The following FREM2 variants were observed in gnomAD, a reference collection of about 807,000 sequenced individuals.
The protein encoded by FREM2 is FRAS1-related extracellular matrix protein 2.
FREM2 carries 119 observed loss-of-function variants against 219.9 expected under a neutral mutation model. The observed-to-expected ratio is 0.54, with a 90% CI of 0.47 to 0.63. The LOEUF (loss-of-function observed/expected upper bound fraction) is 0.63, where lower values mean the gene tolerates loss of function less well. Among genes scored for constraint, FREM2 ranks in the 30% least tolerant of loss-of-function variants. The probability of loss-of-function intolerance (pLI) is 0.00; values close to 1 mark genes in which losing one functional copy is unlikely to be tolerated. For synonymous variants in FREM2, 1,562 were observed against 1,522.8 expected (o/e 1.03, Z -0.60); for missense variants, 4,030 against 3,993.6 (o/e 1.01, Z -0.25).
intron 8 of FREM2, among the ~76,000 whole-genome samples, chr13:38,849,369 C>T (rs75328479): frequency 0.018 from 2,744 of 152,280 alleles, 23 homozygotes; most frequent in South Asian, 0.035. Context: ...TCCTGAGTGT[C>T]AATAATCTTT....
chr13:38,771,195 T>G (rs541071283), intron 4 of FREM2, among the ~76,000 whole-genome samples: 2 of 152,350 alleles, frequency 1.3e-5, no homozygotes, highest in South Asian at 2.1e-4. Context: ...TCAATTATGT[T>G]TGTAATTTTC....
chr13:38,795,075 T>C (rs1207063328), intron 6 of FREM2, among the ~76,000 whole-genome samples: 3 of 152,104 alleles, frequency 2.0e-5, no homozygotes, highest in Admixed American at 2.0e-4. Flanking sequence ...ACCACTAGGC[T>C]GTAATGAATC....
At position 38,858,050 on chromosome 13, in the gene FREM2, C is replaced by A. The variant is rs201461423; in HGVS notation, c.7215+17C>A. ...TGTATCACAGTGAGTAGGAGATTCA[C>A]AAAATTGAGGAAAATTGTAAGATAA... On this transcript the variant is annotated intron_variant, in intron 13 of 23. Coordinates refer to ENST00000280481, the MANE Select transcript of FREM2 (RefSeq NM_207361.6). 22 of 1,601,780 alleles carry A rather than the reference C, an allele frequency of 1.4e-5. No individual in the cohort carries two copies. The highest frequency in any genetic ancestry group is 1.9e-5 in the Non-Finnish European group (22 of 1,169,066).
At chr13:38,773,997 A>G (rs1399374592) in intron 4 of FREM2, among the ~76,000 whole-genome samples, 2 of 150,834 alleles carry the variant, frequency 1.3e-5, no homozygotes, top group Non-Finnish European at 1.5e-5. Flanking sequence ...TAATAAAACT[A>G]AACAATATAT....
At chr13:38,773,680 G>T (rs1240374428) in intron 4 of FREM2, among the ~76,000 whole-genome samples, 1 of 151,894 alleles carries the variant, frequency 6.6e-6, no homozygotes, top group Non-Finnish European at 1.5e-5. Context: ...GTCCTCCTTG[G>T]CCTCCCAAAA....
intron 8 of FREM2, among the ~76,000 whole-genome samples, chr13:38,849,759 T>C (rs78575835): frequency 0.018 from 2,743 of 152,320 alleles, 21 homozygotes; most frequent in South Asian, 0.035. Flanking sequence ...CTAAGAAACA[T>C]GTAGATACAA....
chr13:38,764,366 G>T lies in FREM2; in HGVS notation c.5326G>T (p.Glu1776Ter). Residue 1776 changes from glutamate (E) to a stop codon, truncating the protein, a stop_gained, in exon 3 of 24, where the codon GAA becomes TAA. Coordinates refer to ENST00000280481, the MANE Select transcript of FREM2 (RefSeq NM_207361.6). LOFTEE classifies it high-confidence loss of function. ...TTGGGCATGGATCTCCTTTGAAAAGGAATATTACCTGGTCAATGAGGACTC... is the reference window on the plus strand; with the variant it reads ...TTGGGCATGGATCTCCTTTGAAAAGTAATATTACCTGGTCAATGAGGACTC... ...LNWAWISFEK[E>*]YYLVNEDSKF... The T allele has an allele frequency of 6.2e-7, 1 of 1,607,266 alleles. No individual in the cohort carries two copies. The highest frequency in any genetic ancestry group is 8.5e-7 in the Non-Finnish European group (1 of 1,173,936).
intron 2 of FREM2, among the ~76,000 whole-genome samples, chr13:38,763,526 G>A (rs1347520759): frequency 1.8e-5 from 2 of 111,002 alleles, no homozygotes; most frequent in Admixed American, 1.2e-4. Flanking sequence ...GCCTTTGTTT[G>A]TAAACCTCAC....
At chr13:38,799,527 G>A (rs752919445) in intron 6 of FREM2, among the ~76,000 whole-genome samples, 10 of 152,148 alleles carry the variant, frequency 6.6e-5, no homozygotes, top group Non-Finnish European at 1.5e-4. Context: ...TTTATTTTCT[G>A]TCTCAATGAT....
chr13:38,783,116 T>A lies in FREM2; in HGVS notation c.5688T>A (p.Asp1896Glu), dbSNP rs368925235. Residue 1896 changes from aspartate (D) to glutamate (E), a missense_variant, in exon 5 of 24, where the codon GAT (aspartate) becomes GAA (glutamate). Asp to Glu is a conservative substitution (Grantham distance 45, BLOSUM62 2). Transcript: ENST00000280481. ...IPQSKYSVEE[D>E]VGELFIPIRR... The stretch of plus-strand genomic sequence containing the variant: ...AGTCCAAATACTCCGTTGAAGAAGA[T>A]GTTGGTGAGCTGTTCATTCCCATCA... The A allele has an allele frequency of 2.5e-6, 4 of 1,613,868 alleles. No homozygotes were observed. In the African/African-American group the frequency reaches 5.3e-5, roughly 22 times the overall value.
At chr13:38,860,592 A>G (rs1454621240) in intron 14 of FREM2, among the ~76,000 whole-genome samples, 1 of 152,222 alleles carries the variant, frequency 6.6e-6, no homozygotes, top group African/African-American at 2.4e-5. Flanking sequence ...GACAGCCTCT[A>G]TGCTGGGGCC....
chr13:38,808,185 G>A lies in FREM2; in HGVS notation c.6019+23377G>A, dbSNP rs558866369. On this transcript the variant is annotated intron_variant, in intron 6 of 23. Transcript: ENST00000280481. ...CCAACTTTTCTTCTGAAGCTTCCTC[G>A]CCCCTCTCAGAATTGAAGAGAGTTA... 5.5e-4 allele frequency among the ~76,000 whole-genome samples: 84 copies of A among 151,910 alleles called. 1 individual carries two copies. Among genetic ancestry groups the A allele is most frequent in the African/African-American group, 1.7e-3 (70 of 41,520 alleles).
intron 4 of FREM2, among the ~76,000 whole-genome samples, chr13:38,770,545 T>A (rs1221734629): frequency 6.6e-6 from 1 of 152,208 alleles, no homozygotes; most frequent in Non-Finnish European, 1.5e-5. Flanking sequence ...AGATCATTCT[T>A]GAATTAATGT....
chr13:38,695,133 T>A (rs1870053509), intron 1 of FREM2, among the ~76,000 whole-genome samples: 1 of 152,226 alleles, frequency 6.6e-6, no homozygotes, highest in African/African-American at 2.4e-5. Flanking sequence ...GCTATTAGAT[T>A]ATATTTCTAC....
chr13:38,824,954 T>G (rs1468851642), intron 6 of FREM2, among the ~76,000 whole-genome samples: 2 of 150,982 alleles, frequency 1.3e-5, no homozygotes, highest in Admixed American at 6.6e-5. Context: ...CCAGGCAGCT[T>G]GAAAGCTAAA....
At chr13:38,851,956 T>G in intron 11 of FREM2, 88 bp downstream of exon 11, 3 of 1,241,562 alleles carry the variant, frequency 2.4e-6, no homozygotes, top group African/African-American at 1.5e-5. Flanking sequence ...AAGGGAAACA[T>G]CCAATTGAAA....
In FREM2 at chr13:38,872,787, T is replaced by C. The variant is rs1309855531; in HGVS notation, c.8029T>C (p.Tyr2677His). 6.2e-7 allele frequency: 1 copy of C among 1,614,094 alleles called. No homozygotes were observed. Among genetic ancestry groups the C allele is most frequent in the Non-Finnish European group, 8.5e-7 (1 of 1,179,946 alleles). Residue 2677 changes from tyrosine (Y) to histidine (H), a missense_variant, in exon 17 of 24, where the codon TAT (tyrosine) becomes CAT (histidine). By Grantham distance (83) the Tyr-to-His change is moderately conservative (BLOSUM62 2). Transcript: ENST00000280481. The part of the protein sequence containing the change: ...QSYVTLRVPL[Y>H]VSYVFHSPVG... ...CTATGTGACCCTTCGAGTCCCTCTG[T>C]ATGTTTCCTACGTGTTCCATTCCCC...
chr13:38,712,536 C>A (rs538764425), intron 2 of FREM2, among the ~76,000 whole-genome samples: 2 of 151,908 alleles, frequency 1.3e-5, no homozygotes, highest in African/African-American at 4.8e-5. Context: ...CATTTTGTAC[C>A]CATTTCAATT....
At chr13:38,821,207 T>C (rs1165363606) in intron 6 of FREM2, among the ~76,000 whole-genome samples, 2 of 152,154 alleles carry the variant, frequency 1.3e-5, no homozygotes, top group Non-Finnish European at 2.9e-5. Flanking sequence ...CTTCATCCTG[T>C]CTGACTGGAC....
Sources: gnomAD v4.1 joint callset for allele counts (sites outside exome capture counted in the v4.1 genomes callset) on GRCh38, gnomAD v4.1.1 for gene constraint, MANE v1.5 for transcripts, NCBI Gene and HGNC (gene_info 2026-07-23, HGNC 2026-07-21) for gene names.